Variants in SLC19A3 observed in about 807,000 individuals in gnomAD.
SLC19A3 encodes the protein solute carrier family 19 member 3, also known as thiamine transporter 2.
A neutral mutation model predicts 40.2 loss-of-function variants in SLC19A3; 31 were observed. The ratio of observed to expected loss-of-function variants is 0.77; its 90% CI spans 0.58 to 1.04. SLC19A3 has a LOEUF of 1.04. Among genes scored for constraint, SLC19A3 ranks in the 50% least tolerant of loss-of-function variants. The pLI, the probability that SLC19A3 is intolerant of heterozygous loss-of-function variation, is 0.00. For synonymous variants in SLC19A3, 212 were observed against 227.5 expected (o/e 0.93, Z 0.61); for missense variants, 592 against 596.7 (o/e 0.99, Z 0.08).
chr2:227,713,588 A>G (rs1004925159), intron 1 of SLC19A3, among the ~76,000 whole-genome samples: 18 of 152,094 alleles, frequency 1.2e-4, no homozygotes, highest in African/African-American at 4.1e-4. Flanking sequence ...TTGCAGCCTT[A>G]GCCCTCTGAC....
At position 227,687,334 on chromosome 2, in the gene SLC19A3, C is replaced by G; in HGVS notation, c.*63G>C. On this transcript the variant is annotated 3_prime_UTR_variant, in exon 6 of 6. Transcript: ENST00000644224. ...TTATGGCAAAACATATGCCACCCAT[C>G]TCAAAATCTTTCCTTATTATTGCAT... 1.3e-6 allele frequency: 2 copies of G among 1,511,156 alleles called. No individual in the cohort carries two copies. The highest frequency in any genetic ancestry group is 1.8e-6 in the Non-Finnish European group (2 of 1,115,128). The allele number at this position is 1,511,156 out of a possible 1,614,324, so 93.6% of individuals were successfully genotyped here. A position where few individuals can be genotyped will look rare whatever the true frequency, so the allele number is the denominator to read the frequency against.
rs765070607 is a variant in SLC19A3 at position 227,699,196 on chromosome 2, G to A, written c.519C>T (p.Asn173=). 6.2e-6 allele frequency: 10 copies of A among 1,614,026 alleles called. No homozygotes were observed. Among genetic ancestry groups the A allele is most frequent in the Middle Eastern group, 1.6e-4 (1 of 6,084 alleles). The change falls in exon 3 of 6, where the codon AAC becomes AAT. Residue 173 remains asparagine, a synonymous_variant. Coordinates refer to ENST00000644224, the MANE Select transcript of SLC19A3 (RefSeq NM_025243.4). ...SLANMSYFYL[N]VISLASVSVA... ...CGGAGACAGAGGCCAAGGATATGAC[G>A]TTGAGGTAAAAGTACGACATGTTCG...
At chr2:227,692,014 T>C (rs1175345324) in intron 4 of SLC19A3, among the ~76,000 whole-genome samples, 1 of 151,942 alleles carries the variant, frequency 6.6e-6, no homozygotes, top group Non-Finnish European at 1.5e-5. Context: ...ACCTATCCGA[T>C]TGAACCATGA....
In SLC19A3 at chr2:227,698,880, A is replaced by G. The variant is rs377709852; in HGVS notation, c.835T>C (p.Phe279Leu). Residue 279 changes from phenylalanine (F) to leucine (L), a missense_variant, in exon 3 of 6, where the codon TTC becomes CTC. Physicochemically the swap from Phe to Leu is conservative, Grantham distance 22 (BLOSUM62 0). Coordinates refer to ENST00000644224, the MANE Select transcript of SLC19A3 (RefSeq NM_025243.4). The part of the protein sequence containing the change: ...LKECYSSKRL[F>L]YWSLWWAFAT... ...AAAGCCCACCATAGAGACCAGTAGA[A>G]AAGACGTTTTGAGGAGTAGCACTCC... 2 of 1,614,174 alleles carry G rather than the reference A, an allele frequency of 1.2e-6. No homozygotes were observed. Among genetic ancestry groups the G allele is most frequent in the East Asian group, 4.5e-5 (2 of 44,872 alleles).
chr2:227,699,408 C>G lies in SLC19A3; in HGVS notation c.307G>C (p.Val103Leu), dbSNP rs1327117771. The change falls in exon 3 of 6, where the codon GTG (valine) becomes CTG (leucine). Residue 103 changes from valine to leucine, a missense_variant. By Grantham distance (32) the Val-to-Leu change is conservative (BLOSUM62 1). Coordinates refer to ENST00000644224, the MANE Select transcript of SLC19A3 (RefSeq NM_025243.4). Reference protein sequence around the residue: ...TWLLLLFGQGVKTMQVVEFFY... With the variant: ...TWLLLLFGQGLKTMQVVEFFY... Reference sequence around the variant, plus strand: ...AACTCTACAACCTGCATGGTCTTCACTCCTTGGCCAAACAACAGCAGCAGC... The same window carrying G: ...AACTCTACAACCTGCATGGTCTTCAGTCCTTGGCCAAACAACAGCAGCAGC... 1 of 1,614,152 alleles carries G rather than the reference C, an allele frequency of 6.2e-7. No homozygotes were observed.
chr2:227,687,585 CAAAT>C lies in SLC19A3; in HGVS notation c.1315-16_1315-13del, dbSNP rs748879453. On this transcript the variant is annotated splice_polypyrimidine_tract_variant and intron_variant, in intron 5 of 5. Transcript: ENST00000644224. ...CCATAAACTAAAAACTGGAGAAAAA[CAAAT>C]AATTAGCCACATATAAAATATGACC... 3.1e-6 allele frequency: 5 copies of C among 1,612,280 alleles called. No individual in the cohort carries two copies. The African/African-American group carries it at 6.7e-5, about 22-fold the overall frequency.
At chr2:227,689,588 T>A (rs1695145059) in intron 4 of SLC19A3, among the ~76,000 whole-genome samples, 1 of 152,176 alleles carries the variant, frequency 6.6e-6, no homozygotes, top group African/African-American at 2.4e-5. Flanking sequence ...ACCAGACCTG[T>A]CCTACAAGAA....
rs112322717 is a variant in SLC19A3 at position 227,683,839 on chromosome 2, T to C, written c.*3558A>G. 11,376 of 151,662 alleles carry C rather than the reference T, an allele frequency of 0.075. 1,174 individuals carry two copies. Among genetic ancestry groups the C allele is most frequent in the African/African-American group, 0.24 (9,834 of 41,296 alleles). 9.4% of individuals were successfully genotyped at this position (151,662 alleles called of 1,614,324 possible). A position where few individuals can be genotyped will look rare whatever the true frequency, so the allele number is the denominator to read the frequency against. ...TTCAAGACAGGGTCTCACTCTGTCA[T>C]CAGGGCTGGAGTGCAGTGGCATGAT... On this transcript the variant is annotated 3_prime_UTR_variant, in exon 6 of 6. Transcript: ENST00000644224.
rs1695723186 is a variant in SLC19A3, at chr2:227,702,197, C to T, written c.122G>A (p.Gly41Glu). ...TGCACTGGTCAGGTTTTTATCTGGT[C>T]CAGATAAATATGGGATAAGGAATGG... ...SEPFLIPYLS[G>E]PDKNLTSAEI... Residue 41 changes from glycine to glutamate, a missense_variant, in exon 2 of 6, where the codon GGA becomes GAA. Physicochemically the swap from Gly to Glu is moderately conservative, Grantham distance 98. Coordinates refer to ENST00000644224, the MANE Select transcript of SLC19A3 (RefSeq NM_025243.4). The T allele has an allele frequency of 6.2e-7, 1 of 1,613,524 alleles. No homozygotes were observed. The highest frequency in any genetic ancestry group is 1.7e-5 in the Admixed American group (1 of 59,964).
Position 227,702,209 on chromosome 2 carries a change from G to A in SLC19A3, c.110C>T (p.Pro37Leu), listed in dbSNP as rs759094678. ...MMRPSEPFLIPYLSGPDKNLT... is the reference protein window; with the variant it reads ...MMRPSEPFLILYLSGPDKNLT... ...GTTTTTATCTGGTCCAGATAAATAT[G>A]GGATAAGGAATGGTTCTGAGGGTCT... is the stretch of plus-strand genomic sequence containing the variant. The change falls in exon 2 of 6, where the codon CCA (proline) becomes CTA (leucine). Residue 37 changes from proline to leucine, a missense_variant. Pro to Leu is a moderately conservative substitution (Grantham distance 98, BLOSUM62 -3). Coordinates refer to ENST00000644224, the MANE Select transcript of SLC19A3 (RefSeq NM_025243.4). The A allele has an allele frequency of 5.0e-6, 8 of 1,613,646 alleles. No homozygotes were observed. The highest frequency in any genetic ancestry group is 1.1e-5 in the South Asian group (1 of 91,060).
At position 227,715,967 on chromosome 2, in the gene SLC19A3, A is replaced by G. The variant is rs1042445938; in HGVS notation, c.-3+1976T>C. On this transcript the variant is annotated intron_variant, in intron 1 of 5. Transcript: ENST00000644224. ...ACTCCGTCTCAAAAAAAAAAAAAAA[A>G]AAAAAAAATTTCAAAAACCCCAAAC... Among the ~76,000 whole-genome samples the G allele has an allele frequency of 1.4e-4, 21 of 151,952 alleles. No individual in the cohort carries two copies. The East Asian group carries it at 3.1e-3, about 22-fold the overall frequency.
At chr2:227,702,063 G>C in intron 2 of SLC19A3, 106 bp downstream of exon 2, 1 of 908,022 alleles carries the variant, frequency 1.1e-6, no homozygotes, top group Non-Finnish European at 1.8e-6. Flanking sequence ...GGCTCACTGA[G>C]TTTAATGTGT....
intron 4 of SLC19A3, among the ~76,000 whole-genome samples, chr2:227,693,574 A>G (rs1382878448): frequency 6.6e-6 from 1 of 152,216 alleles, no homozygotes; most frequent in Non-Finnish European, 1.5e-5. Context: ...ATCTCTCACT[A>G]TATACAAAAT....
intron 3 of SLC19A3, among the ~76,000 whole-genome samples, chr2:227,697,572 C>T (rs1695485996): frequency 1.3e-5 from 2 of 152,114 alleles, no homozygotes; most frequent in Admixed American, 6.5e-5. Context: ...AGTTCAAATC[C>T]TGTATTAACA....
chr2:227,693,705 AAC>A (rs1486411058), intron 4 of SLC19A3, among the ~76,000 whole-genome samples: 1 of 152,136 alleles, frequency 6.6e-6, no homozygotes, highest in East Asian at 1.9e-4. Flanking sequence ...GTACCCCACA[AAC>A]ACAGGCAACC....
At position 227,699,360 on chromosome 2, in the gene SLC19A3, C is replaced by G; in HGVS notation, c.355G>C (p.Ala119Pro). ...VEFFYGMVTA[A>P]EVAYYAYIYS... ...ATGTAGGCGTAGTAGGCCACCTCGG[C>G]GGCGGTGACCATCCCATAGAAGAAC... The change falls in exon 3 of 6, where the codon GCC (alanine) becomes CCC (proline). Residue 119 changes from alanine to proline, a missense_variant. Transcript: ENST00000644224. The G allele has an allele frequency of 6.2e-7, 1 of 1,614,122 alleles. No homozygotes were observed. Among genetic ancestry groups the G allele is most frequent in the Non-Finnish European group, 8.5e-7 (1 of 1,180,040 alleles).
At position 227,703,897 on chromosome 2, in the gene SLC19A3, A is replaced by G. The variant is rs1038887827; in HGVS notation, c.-2-1577T>C. Among the ~76,000 whole-genome samples the G allele has an allele frequency of 6.6e-6, 1 of 152,204 alleles. No individual in the cohort carries two copies. The highest frequency in any genetic ancestry group is 1.5e-5 in the Non-Finnish European group (1 of 68,030). On this transcript the variant is annotated intron_variant, in intron 1 of 5. Transcript: ENST00000644224. The surrounding 1 kb of genome is among the most constrained non-coding windows in gnomAD (Gnocchi z 4.7). ...ATGCCACAGTGATCCACAGGCTGCT[A>G]AAAGCCTGCTGGATTATCTATCTTT...
rs1446343370 is a variant in SLC19A3 at position 227,688,234 on chromosome 2, C to T, written c.1246G>A (p.Val416Met). The T allele has an allele frequency of 6.2e-7, 1 of 1,614,018 alleles. No homozygotes were observed. The highest frequency in any genetic ancestry group is 1.1e-5 in the South Asian group (1 of 91,082). Residue 416 changes from valine (V) to methionine (M), a missense_variant, in exon 5 of 6, where the codon GTG becomes ATG. Val to Met is a conservative substitution (Grantham distance 21). Coordinates refer to ENST00000644224, the MANE Select transcript of SLC19A3 (RefSeq NM_025243.4). ...VFGINTFIALVIQTIMTVIVV... is the reference protein window; with the variant it reads ...VFGINTFIALMIQTIMTVIVV... ...ATCACAGTCATGATGGTCTGAATCA[C>T]CAAGGCAATAAAGGTGTTGATTCCA...
At chr2:227,710,883 CAA>C (rs1696113785) in intron 1 of SLC19A3, among the ~76,000 whole-genome samples, 2 of 152,298 alleles carry the variant, frequency 1.3e-5, no homozygotes, top group Middle Eastern at 6.8e-3. Context: ...AGAGCAAACT[CAA>C]AGTCTGATTA....
Sources: gnomAD v4.1 joint callset for allele counts (sites outside exome capture counted in the v4.1 genomes callset) on GRCh38, gnomAD v4.1.1 for gene constraint, Gnocchi (gnomAD v3.1) non-coding constraint, MANE v1.5 for transcripts, NCBI Gene and HGNC (gene_info 2026-07-23, HGNC 2026-07-21) for gene names.